Variants in MAGI2 observed in about 807,000 individuals in gnomAD.
The protein encoded by MAGI2 is membrane associated guanylate kinase, WW and PDZ domain containing 2.
In MAGI2, 35 loss-of-function variants were observed where a neutral mutation model predicts 133.3. The ratio of observed to expected loss-of-function variants is 0.26; its 90% CI spans 0.20 to 0.35. The LOEUF is 0.35. Ranked by LOEUF, MAGI2 falls within the 10% of genes least tolerant of loss-of-function variation. MAGI2 has a pLI of 1.00. For missense variants in MAGI2, 1,636 were observed against 1,863.4 expected, an observed-to-expected ratio of 0.88 and a Z score of 2.25; for synonymous variants, 729 against 710.6, an observed-to-expected ratio of 1.03 and a Z score of -0.41.
intron 1 of MAGI2, among the ~76,000 whole-genome samples, chr7:79,089,539 G>T (rs1044057006): frequency 6.6e-6 from 1 of 151,828 alleles, no homozygotes; most frequent in Admixed American, 6.6e-5. Context: ...CAATAGCAAA[G>T]ACTTTGAACC....
chr7:79,155,566 G>A (rs1430054760), intron 1 of MAGI2, among the ~76,000 whole-genome samples: 1 of 152,114 alleles, frequency 6.6e-6, no homozygotes, highest in Non-Finnish European at 1.5e-5. Flanking sequence ...TGAGGAGAAA[G>A]AATCCAGAGA....
chr7:78,700,122 A>G (rs780417393), intron 2 of MAGI2, among the ~76,000 whole-genome samples: 5 of 152,168 alleles, frequency 3.3e-5, no homozygotes, highest in Admixed American at 6.6e-5. Context: ...CCGCCAAGCT[A>G]AGCAAATAAC....
chr7:78,703,676 C>A (rs73149081), intron 2 of MAGI2, among the ~76,000 whole-genome samples: 1 of 151,982 alleles, frequency 6.6e-6, no homozygotes, highest in African/African-American at 2.4e-5. Flanking sequence ...ATAAACTCTG[C>A]ATTTCTGATG....
chr7:78,071,946 T>C (rs1814756535), intron 21 of MAGI2, among the ~76,000 whole-genome samples: 1 of 152,190 alleles, frequency 6.6e-6, no homozygotes, highest in Admixed American at 6.5e-5. Flanking sequence ...TCCATCAACG[T>C]GGTCTCTGAG....
At chr7:79,109,942 G>A (rs567122469) in intron 1 of MAGI2, among the ~76,000 whole-genome samples, 1 of 152,302 alleles carries the variant, frequency 6.6e-6, no homozygotes, top group Non-Finnish European at 1.5e-5. Context: ...CCAGTCCCAA[G>A]TCACAACTGC....
At chr7:78,989,781 T>C (rs1212251312) in intron 2 of MAGI2, among the ~76,000 whole-genome samples, 2 of 152,028 alleles carry the variant, frequency 1.3e-5, no homozygotes, top group Admixed American at 6.6e-5. Context: ...TACCACCGTT[T>C]TCAGCCTACC....
At chr7:78,696,956 A>T (rs1432716847) in intron 2 of MAGI2, among the ~76,000 whole-genome samples, 1 of 149,124 alleles carries the variant, frequency 6.7e-6, no homozygotes, top group Non-Finnish European at 1.5e-5. Flanking sequence ...CCACACTGCA[A>T]TCAAAATGAC....
At chr7:78,308,325 A>T (rs941045259) in intron 9 of MAGI2, among the ~76,000 whole-genome samples, 1 of 152,220 alleles carries the variant, frequency 6.6e-6, no homozygotes, top group Non-Finnish European at 1.5e-5. Context: ...ATACTCAGAC[A>T]CTAGGAAGAG....
At chr7:78,687,969 TAAAAAAAAAAAAAAAAAA>T (rs72030909) in intron 2 of MAGI2, among the ~76,000 whole-genome samples, 10 of 67,226 alleles carry the variant, frequency 1.5e-4, no homozygotes, top group Admixed American at 2.3e-4. Flanking sequence ...GTCCTTGCCT[TAAAAAAAAAAAAAAAAAA>T]AAAAAAAAAA....
At chr7:78,992,302 T>C (rs919868332) in intron 2 of MAGI2, among the ~76,000 whole-genome samples, 1 of 152,030 alleles carries the variant, frequency 6.6e-6, no homozygotes. Context: ...CCCTAGAGAA[T>C]AGGACGTATG....
rs116261072 is a variant in MAGI2, at chr7:78,321,980, G to T, written c.1408+21798C>A. Among the ~76,000 whole-genome samples, 1,265 of 152,172 alleles carry T rather than the reference G, an allele frequency of 8.3e-3. 19 individuals are homozygous for T. The highest frequency in any genetic ancestry group is 0.029 in the African/African-American group (1,193 of 41,510). ...AGGATATGAACACTTCTCAAAAGAA[G>T]ATATTTATGCAGCCAAGAAACATGA... On this transcript the variant is annotated intron_variant, in intron 9 of 21. Transcript: ENST00000354212.
chr7:79,285,905 A>T (rs1459116499), intron 1 of MAGI2, among the ~76,000 whole-genome samples: 1 of 152,150 alleles, frequency 6.6e-6, no homozygotes, highest in Non-Finnish European at 1.5e-5. Context: ...TATATGTTCA[A>T]TAAATCCAGA....
At chr7:79,380,036 T>TA (rs1178179721) in intron 1 of MAGI2, among the ~76,000 whole-genome samples, 1 of 151,652 alleles carries the variant, frequency 6.6e-6, no homozygotes, top group East Asian at 1.9e-4. Flanking sequence ...CCTAAAACCA[T>TA]AAAAACCCTA....
chr7:78,627,572 A>G (rs748033729), intron 2 of MAGI2, among the ~76,000 whole-genome samples: 2 of 152,192 alleles, frequency 1.3e-5, no homozygotes, highest in Non-Finnish European at 2.9e-5. Flanking sequence ...TAGTTCAGGA[A>G]TTTATATATT....
chr7:78,511,772 G>A (rs990156105), intron 4 of MAGI2, among the ~76,000 whole-genome samples: 4 of 139,852 alleles, frequency 2.9e-5, no homozygotes, highest in African/African-American at 1.0e-4. Flanking sequence ...GTGGTTCTAA[G>A]TGCTAAAAAA....
At chr7:78,562,845 T>C (rs1285523822) in intron 3 of MAGI2, among the ~76,000 whole-genome samples, 1 of 152,222 alleles carries the variant, frequency 6.6e-6, no homozygotes, top group Non-Finnish European at 1.5e-5. Flanking sequence ...TTGGGATTTA[T>C]GTCTCTTCTA....
chr7:78,788,026 G>T (rs376321884), intron 2 of MAGI2, among the ~76,000 whole-genome samples: 10 of 152,066 alleles, frequency 6.6e-5, no homozygotes, highest in African/African-American at 2.4e-4. Context: ...CCAGAATCCT[G>T]TTCTACTGTG....
chr7:78,181,324 A>C (rs1209451546), intron 13 of MAGI2, among the ~76,000 whole-genome samples: 1 of 152,184 alleles, frequency 6.6e-6, no homozygotes, highest in Admixed American at 6.5e-5. Flanking sequence ...TGTCTGGTAG[A>C]CACCTATTTG....
intron 2 of MAGI2, among the ~76,000 whole-genome samples, chr7:78,867,830 C>T (rs991868402): frequency 2.2e-4 from 34 of 151,848 alleles, no homozygotes; most frequent in Non-Finnish European, 4.3e-4. Context: ...GAGAAGGCAG[C>T]AAATTTGGAA....
Sources: gnomAD v4.1 joint callset for allele counts (sites outside exome capture counted in the v4.1 genomes callset) on GRCh38, gnomAD v4.1.1 for gene constraint, MANE v1.5 for transcripts, NCBI Gene and HGNC (gene_info 2026-07-23, HGNC 2026-07-21) for gene names.